Variants in PTPRG observed in about 807,000 individuals in gnomAD.
PTPRG encodes protein tyrosine phosphatase receptor type G.
A neutral mutation model predicts 165.3 loss-of-function variants in PTPRG; 102 were observed. The ratio of observed to expected loss-of-function variants is 0.62; its 90% CI spans 0.53 to 0.73. The LOEUF (loss-of-function observed/expected upper bound fraction) is 0.73. PTPRG is among the 30% of genes least tolerant of loss of function. PTPRG has a pLI of 0.00. For synonymous variants in PTPRG, 675 were observed against 669.5 expected (o/e 1.01, Z -0.13); for missense variants, 1,866 against 1,861.4 (o/e 1.00, Z -0.05).
intron 2 of PTPRG, among the ~76,000 whole-genome samples, chr3:61,927,021 G>A (rs192645709): frequency 7.9e-5 from 12 of 152,176 alleles, no homozygotes; most frequent in Admixed American, 6.5e-5. Flanking sequence ...ATTTGCCATC[G>A]TTCATGATGT....
At chr3:61,861,674 T>G (rs1419826669) in intron 2 of PTPRG, among the ~76,000 whole-genome samples, 3 of 151,658 alleles carry the variant, frequency 2.0e-5, no homozygotes, top group African/African-American at 7.3e-5. Context: ...AGGCCTAGAG[T>G]GGTGTTAATT....
At chr3:61,812,285 T>TTCATTCA (rs2035607326) in intron 2 of PTPRG, among the ~76,000 whole-genome samples, 1 of 142,346 alleles carries the variant, frequency 7.0e-6, no homozygotes, top group Non-Finnish European at 1.5e-5. Context: ...TGACCATTCA[T>TTCATTCA]TCATTCATTC....
chr3:61,739,504 A>G (rs1029400126), intron 1 of PTPRG, among the ~76,000 whole-genome samples: 1 of 152,194 alleles, frequency 6.6e-6, no homozygotes, highest in Admixed American at 6.5e-5. Flanking sequence ...TATTTTTATG[A>G]TGCCTAAAAT....
chr3:62,038,798 C>A (rs1700032054), intron 4 of PTPRG, among the ~76,000 whole-genome samples: 1 of 152,064 alleles, frequency 6.6e-6, no homozygotes. Flanking sequence ...CCAACTTCCT[C>A]TATTTTTTAA....
chr3:61,787,312 C>G (rs1322472575), intron 2 of PTPRG, among the ~76,000 whole-genome samples: 1 of 152,112 alleles, frequency 6.6e-6, no homozygotes, highest in Non-Finnish European at 1.5e-5. Flanking sequence ...AATCCGGAAA[C>G]AAGAGAAACT....
chr3:61,778,634 C>T (rs1221380063), intron 2 of PTPRG, among the ~76,000 whole-genome samples: 2 of 152,038 alleles, frequency 1.3e-5, no homozygotes, highest in Non-Finnish European at 2.9e-5. Flanking sequence ...CTGCTACTAT[C>T]CTGAGACCCA....
chr3:62,047,476 A>G (rs1700334048), intron 4 of PTPRG, among the ~76,000 whole-genome samples: 5 of 151,960 alleles, frequency 3.3e-5, no homozygotes, highest in Admixed American at 3.3e-4. Context: ...TGGCCAGGTT[A>G]GTGTCGATCT....
intron 4 of PTPRG, among the ~76,000 whole-genome samples, chr3:62,038,673 G>A (rs1700027568): frequency 6.6e-6 from 1 of 152,242 alleles, no homozygotes; most frequent in Admixed American, 6.5e-5. Context: ...TGGGATTACA[G>A]GTGTCAGACA....
intron 4 of PTPRG, among the ~76,000 whole-genome samples, chr3:62,076,051 G>T (rs1325270570): frequency 1.3e-5 from 2 of 152,086 alleles, no homozygotes; most frequent in East Asian, 1.9e-4. Flanking sequence ...CAGGGTGGGC[G>T]GATTGCTTGA....
At position 61,866,582 on chromosome 3, in the gene PTPRG, CTTTTTTTTTTTTTTTTTTTT is replaced by C. The variant is rs532356516; in HGVS notation, c.190+117617_190+117636del. 1.1e-3 allele frequency among the ~76,000 whole-genome samples: 79 copies of C among 69,110 alleles called. 1 individual carries two copies. The highest frequency in any genetic ancestry group is 1.5e-3 in the Non-Finnish European group (51 of 33,138). The allele number at this position is 69,110 out of a possible 152,430, so 45.3% of individuals were successfully genotyped here. On this transcript the variant is annotated intron_variant, in intron 2 of 29. Coordinates refer to ENST00000474889, the MANE Select transcript of PTPRG (RefSeq NM_002841.4). Reference sequence around the variant, plus strand: ...TTCCCTGGCTTTGGAACTGTTTGCTCTTTTTTTTTTTTTTTTTTTTTTTTTTTTTTTTTTTTGAGACGGAG... The same window carrying C: ...TTCCCTGGCTTTGGAACTGTTTGCTCTTTTTTTTTTTTTTTTGAGACGGAG...
intron 1 of PTPRG, among the ~76,000 whole-genome samples, chr3:61,647,512 C>T (rs184283676): frequency 1.1e-3 from 160 of 152,216 alleles, no homozygotes; most frequent in African/African-American, 3.7e-3. Flanking sequence ...ATCAATTGGC[C>T]GGGCACAGTG....
chr3:61,792,958 T>A lies in PTPRG; in HGVS notation c.190+43976T>A, dbSNP rs143687573. ...TGGCCAGGATGATCTTGATCTCCTG[T>A]CCTCATGATCTGGCCACTTCGGCCT... On this transcript the variant is annotated intron_variant, in intron 2 of 29. Coordinates refer to ENST00000474889, the MANE Select transcript of PTPRG (RefSeq NM_002841.4). Among the ~76,000 whole-genome samples, 320 of 152,154 alleles carry A rather than the reference T, an allele frequency of 2.1e-3. 1 individual carries two copies. The highest frequency in any genetic ancestry group is 7.2e-3 in the African/African-American group (300 of 41,512).
intron 7 of PTPRG, among the ~76,000 whole-genome samples, chr3:62,166,294 C>G (rs1704979294): frequency 7.6e-6 from 1 of 130,938 alleles, no homozygotes; most frequent in South Asian, 2.6e-4. Context: ...GTTGCTGTTC[C>G]ATTCCTCATA....
At chr3:61,957,466 A>G (rs2040059057) in intron 2 of PTPRG, among the ~76,000 whole-genome samples, 1 of 152,192 alleles carries the variant, frequency 6.6e-6, no homozygotes, top group Non-Finnish European at 1.5e-5. Context: ...TGTATAATGT[A>G]CTCCACAAAT....
Position 62,203,422 on chromosome 3 carries a change from T to G in PTPRG, c.1627T>G (p.Ser543Ala), listed in dbSNP as rs1366063291. 1 of 1,608,774 alleles carries G rather than the reference T, an allele frequency of 6.2e-7. No individual in the cohort carries two copies. Among genetic ancestry groups the G allele is most frequent in the South Asian group, 1.1e-5 (1 of 90,410 alleles). Residue 543 changes from serine to alanine, a missense_variant, in exon 12 of 30, where the codon TCA (serine) becomes GCA (alanine). Ser to Ala is a moderately conservative substitution (Grantham distance 99). Transcript: ENST00000474889. This position sits in a 1 kb window ranked among gnomAD's most constrained non-coding sequence, Gnocchi z 6.4. ...GCCCACGCGCCTCCCGACGGCCGCCTCAGCCAGCAAGCAGGCGGCTAGGCC... is the reference window on the plus strand; with the variant it reads ...GCCCACGCGCCTCCCGACGGCCGCCGCAGCCAGCAAGCAGGCGGCTAGGCC... The part of the protein sequence containing the change: ...VWPTRLPTAA[S>A]ASKQAARPVL...
chr3:61,953,198 T>C (rs2039939663), intron 2 of PTPRG, among the ~76,000 whole-genome samples: 1 of 152,178 alleles, frequency 6.6e-6, no homozygotes, highest in African/African-American at 2.4e-5. Context: ...TTTCAGAAGC[T>C]TAGCTTTAAT....
intron 3 of PTPRG, among the ~76,000 whole-genome samples, chr3:61,998,561 G>A (rs2041094587): frequency 6.6e-6 from 1 of 152,156 alleles, no homozygotes; most frequent in African/African-American, 2.4e-5. Flanking sequence ...TTCAAGTTTG[G>A]ACTTACTGGC....
At chr3:61,657,244 C>G (rs992869641) in intron 1 of PTPRG, among the ~76,000 whole-genome samples, 5 of 152,038 alleles carry the variant, frequency 3.3e-5, no homozygotes, top group Non-Finnish European at 5.9e-5. Context: ...TAAGGACGTT[C>G]CTTTCCTCTG....
chr3:61,598,179 C>A (rs1700751805), intron 1 of PTPRG, among the ~76,000 whole-genome samples: 1 of 152,086 alleles, frequency 6.6e-6, no homozygotes, highest in Non-Finnish European at 1.5e-5. Flanking sequence ...ACTGCTTGAG[C>A]CAATGTAACA....
Sources: gnomAD v4.1 joint callset for allele counts (sites outside exome capture counted in the v4.1 genomes callset) on GRCh38, gnomAD v4.1.1 for gene constraint, Gnocchi (gnomAD v3.1) non-coding constraint, MANE v1.5 for transcripts, NCBI Gene and HGNC (gene_info 2026-07-23, HGNC 2026-07-21) for gene names.